The following PRDM10 variants were observed in gnomAD, a reference collection of about 807,000 sequenced individuals.
PRDM10 encodes PR domain zinc finger protein 10.
Under a neutral mutation model 133.1 loss-of-function variants are expected in PRDM10, and 65 were observed. The observed-to-expected ratio is 0.49, with a 90% confidence interval of 0.40 to 0.60. The LOEUF (loss-of-function observed/expected upper bound fraction) is 0.60, where lower values mean the gene tolerates loss of function less well. Among genes scored for constraint, PRDM10 ranks in the 20% least tolerant of loss-of-function variants. The pLI is 0.00. For missense variants in PRDM10, 1,137 were observed against 1,507.1 expected (o/e 0.75, Z 4.07); for synonymous variants, 582 against 580.4 (o/e 1.00, Z -0.04).
At chr11:130,002,250 C>T (rs541055039) in intron 1 of PRDM10, among the ~76,000 whole-genome samples, 2 of 150,354 alleles carry the variant, frequency 1.3e-5, no homozygotes, top group South Asian at 2.1e-4. Flanking sequence ...GCCGCCCAAC[C>T]GCCGTCCCGG....
intron 10 of PRDM10, among the ~76,000 whole-genome samples, chr11:129,931,819 C>T (rs1313484287): frequency 6.6e-6 from 1 of 152,134 alleles, no homozygotes; most frequent in Non-Finnish European, 1.5e-5. Flanking sequence ...CCGCCCACCT[C>T]GGCCTCCCAA....
In PRDM10 at chr11:129,923,641, C is replaced by CGAGAGA. The variant is rs1950580581; in HGVS notation, c.1879-239_1879-238insTCTCTC. Among the ~76,000 whole-genome samples the CGAGAGA allele has an allele frequency of 2.3e-5, 1 of 44,254 alleles. No individual in the cohort carries two copies. The highest frequency in any genetic ancestry group is 1.2e-4 in the African/African-American group (1 of 8,104). 29.0% of individuals were successfully genotyped at this position (44,254 alleles called of 152,430 possible). A position where few individuals can be genotyped will look rare whatever the true frequency, so the allele number is the denominator to read the frequency against. On this transcript the variant is annotated intron_variant, in intron 12 of 20. Coordinates refer to ENST00000360871, the MANE Select transcript of PRDM10 (RefSeq NM_199437.2). The surrounding 1 kb of genome is among the most constrained non-coding windows in gnomAD (Gnocchi z 4.4). Reference sequence around the variant, plus strand: ...TCCGAACCTCCCCGATGACTTGAAACGTGAGAGAGAGAGAGAGAGAGAGAG... The same window carrying CGAGAGA: ...TCCGAACCTCCCCGATGACTTGAAACGAGAGAGTGAGAGAGAGAGAGAGAGAGAGAG...
intron 13 of PRDM10, among the ~76,000 whole-genome samples, chr11:129,919,003 A>G (rs549306049): frequency 3.8e-4 from 58 of 152,300 alleles, no homozygotes; most frequent in Middle Eastern, 3.4e-3. Flanking sequence ...TGTAGAGGAG[A>G]TTAAAGAGAA....
chr11:129,963,621 TTCTC>T (rs932476924), intron 1 of PRDM10, among the ~76,000 whole-genome samples: 1 of 152,034 alleles, frequency 6.6e-6, no homozygotes, highest in African/African-American at 2.4e-5. Flanking sequence ...TTTCCCCTCT[TTCTC>T]TTTCTTTCCC....
intron 13 of PRDM10, among the ~76,000 whole-genome samples, chr11:129,920,890 C>T (rs1035144830): frequency 2.6e-5 from 4 of 152,028 alleles, no homozygotes; most frequent in East Asian, 3.9e-4. Flanking sequence ...CTCCGCCTCC[C>T]GGGTTCAAGT....
At chr11:129,912,365 G>A in intron 17 of PRDM10, 140 bp from the exon 18 acceptor site, 2 of 956,832 alleles carry the variant, frequency 2.1e-6, no homozygotes, top group Non-Finnish European at 2.8e-6. Flanking sequence ...AGCAGTTTGG[G>A]AGGCCAAAGC....
intron 6 of PRDM10, among the ~76,000 whole-genome samples, chr11:129,944,022 T>C (rs749977093): frequency 5.9e-5 from 9 of 151,722 alleles, no homozygotes; most frequent in Non-Finnish European, 1.0e-4. Context: ...ACAAACATTA[T>C]AAATAAATAA....
chr11:129,954,877 T>G (rs912464093), intron 4 of PRDM10, among the ~76,000 whole-genome samples: 3 of 152,154 alleles, frequency 2.0e-5, no homozygotes, highest in African/African-American at 7.2e-5. Context: ...CTCACTATAT[T>G]GCCCAGTCTG....
chr11:129,955,521 T>C lies in PRDM10; in HGVS notation c.285A>G (p.Thr95=). The change falls in exon 4 of 21, where the codon ACA becomes ACG. Residue 95 remains threonine (T), a synonymous_variant. Transcript: ENST00000360871. The stretch of plus-strand genomic sequence containing the variant: ...AAAGGCAGTTCGTTACCTGCTGAGC[T>C]GTAGCATCCTGTTGGACATAAGCTA... ...GQVAYVQQDA[T]AQQASLPVHN... 1 of 1,614,124 alleles carries C rather than the reference T, an allele frequency of 6.2e-7. No homozygotes were observed. Among genetic ancestry groups the C allele is most frequent in the Non-Finnish European group, 8.5e-7 (1 of 1,179,986 alleles).
At chr11:129,917,462 G>A (rs564998826) in intron 14 of PRDM10, among the ~76,000 whole-genome samples, 10 of 152,286 alleles carry the variant, frequency 6.6e-5, no homozygotes, top group Admixed American at 1.3e-4. Flanking sequence ...AACAATTGAA[G>A]GTGACTCACT....
chr11:129,985,813 T>A (rs201501362), intron 1 of PRDM10, among the ~76,000 whole-genome samples: 277 of 95,326 alleles, frequency 2.9e-3, no homozygotes, highest in Middle Eastern at 5.8e-3. Context: ...AAAAAAAATA[T>A]ATATATATAT....
chr11:129,955,238 C>A (rs1384499838), intron 4 of PRDM10, among the ~76,000 whole-genome samples: 1 of 152,070 alleles, frequency 6.6e-6, no homozygotes, highest in Non-Finnish European at 1.5e-5. Context: ...CATGATTATT[C>A]TTTGGTACTT....
intron 13 of PRDM10, among the ~76,000 whole-genome samples, chr11:129,922,026 C>T (rs989521191): frequency 3.3e-5 from 5 of 152,126 alleles, no homozygotes; most frequent in African/African-American, 1.2e-4. Flanking sequence ...CTTCTGTGGG[C>T]ATACTGCTGA....
rs917906537 is a variant in PRDM10 at position 129,901,360 on chromosome 11, A to G, written c.*953T>C. ...ATAAAATACACTGAACATGTCAGCA[A>G]GAGTTAAATGTACACTTGGTAAGAA... On this transcript the variant is annotated 3_prime_UTR_variant, in exon 21 of 21. Transcript: ENST00000360871. The G allele has an allele frequency of 1.3e-5, 2 of 152,678 alleles. No individual in the cohort carries two copies. Among genetic ancestry groups the G allele is most frequent in the Admixed American group, 6.5e-5 (1 of 15,284 alleles). The allele number at this position is 152,678 out of a possible 1,614,324, so 9.5% of individuals were successfully genotyped here. A position where few individuals can be genotyped will look rare whatever the true frequency, so the allele number is the denominator to read the frequency against.
chr11:129,990,646 AT>A (rs759496806), intron 1 of PRDM10, among the ~76,000 whole-genome samples: 2 of 150,678 alleles, frequency 1.3e-5, no homozygotes, highest in Non-Finnish European at 2.9e-5. Context: ...TATTATCATT[AT>A]TTTGTAGAGA....
intron 15 of PRDM10, 139 bp downstream of exon 15, chr11:129,916,987 TC>T: frequency 1.8e-6 from 1 of 555,804 alleles, no homozygotes; most frequent in East Asian, 3.2e-5. Context: ...TCCTTTCTTG[TC>T]TGAATGGAGA....
At chr11:129,986,913 C>T (rs1311874951) in intron 1 of PRDM10, among the ~76,000 whole-genome samples, 1 of 152,180 alleles carries the variant, frequency 6.6e-6, no homozygotes, top group Non-Finnish European at 1.5e-5. Context: ...CCCATAGGAA[C>T]ACTCAACAGT....
intron 13 of PRDM10, among the ~76,000 whole-genome samples, chr11:129,920,307 C>T (rs1950485949): frequency 6.6e-6 from 1 of 152,150 alleles, no homozygotes; most frequent in Non-Finnish European, 1.5e-5. Flanking sequence ...CAAACCAAAT[C>T]CGCTATCTGC....
Position 129,901,643 on chromosome 11 carries a change from C to T in PRDM10, c.*670G>A, listed in dbSNP as rs1380981599. 3 of 152,204 alleles carry T rather than the reference C, an allele frequency of 2.0e-5. No individual in the cohort carries two copies. Among genetic ancestry groups the T allele is most frequent in the South Asian group, 2.1e-4 (1 of 4,828 alleles). The allele number at this position is 152,204 out of a possible 1,614,324, so 9.4% of individuals were successfully genotyped here. On this transcript the variant is annotated 3_prime_UTR_variant, in exon 21 of 21. Coordinates refer to ENST00000360871, the MANE Select transcript of PRDM10 (RefSeq NM_199437.2). ...TAATGAAGAACTATCAGAACATGAG[C>T]TTCTGACCTAATCCACTGAGGACCA...
Sources: allele counts gnomAD v4.1 joint callset (sites outside exome capture counted in the v4.1 genomes callset), GRCh38; gene constraint gnomAD v4.1.1; non-coding constraint Gnocchi (gnomAD v3.1); transcripts MANE v1.5; gene names NCBI Gene and HGNC (gene_info 2026-07-23, HGNC 2026-07-21).